The following GPC5 variants were observed in gnomAD, a reference collection of about 807,000 sequenced individuals.
The protein encoded by GPC5 is glypican-5.
GPC5 carries 47 observed loss-of-function variants against 53.9 expected under a neutral mutation model. That is an observed-to-expected ratio of 0.87 (90% CI 0.69 to 1.11). The LOEUF is 1.11. GPC5 is among the 50% of genes most tolerant of loss of function. GPC5 has a pLI of 0.00. For synonymous variants in GPC5, 286 were observed against 263.3 expected, an observed-to-expected ratio of 1.09 and a Z score of -0.84; for missense variants, 748 against 713.1, an observed-to-expected ratio of 1.05 and a Z score of -0.56.
rs1432039826 is a variant in GPC5, at chr13:92,010,541, A to G, written c.1401+102484A>G. On this transcript the variant is annotated intron_variant, in intron 6 of 7. Transcript: ENST00000377067. ...CTATATTGAAGCACTAAGCCCCAAC[A>G]TAATTAGACTTGGAGACACTATTTT... is the stretch of plus-strand genomic sequence containing the variant. Among the ~76,000 whole-genome samples, 5 of 152,226 alleles carry G rather than the reference A, an allele frequency of 3.3e-5. No individual in the cohort carries two copies. The East Asian group carries it at 5.8e-4, about 18-fold the overall frequency.
intron 6 of GPC5, among the ~76,000 whole-genome samples, chr13:92,141,511 C>T (rs1487360870): frequency 6.6e-6 from 1 of 152,154 alleles, no homozygotes; most frequent in African/African-American, 2.4e-5. Context: ...GATGACCTCT[C>T]ATTCTGAGAA....
intron 7 of GPC5, among the ~76,000 whole-genome samples, chr13:92,542,562 A>G (rs1245258544): frequency 2.0e-5 from 3 of 151,870 alleles, no homozygotes; most frequent in African/African-American, 7.3e-5. Context: ...TCGTTTGTGT[A>G]TTTGCTCTAC....
At chr13:91,993,759 G>A (rs1311564721) in intron 6 of GPC5, among the ~76,000 whole-genome samples, 1 of 151,356 alleles carries the variant, frequency 6.6e-6, no homozygotes, top group Non-Finnish European at 1.5e-5. Context: ...TATCTCATAT[G>A]TCTAGTGGTA....
At chr13:92,744,726 G>A (rs539440259) in intron 7 of GPC5, among the ~76,000 whole-genome samples, 35 of 152,218 alleles carry the variant, frequency 2.3e-4, no homozygotes, top group Non-Finnish European at 4.4e-4. Flanking sequence ...AATTATAGCA[G>A]TGGGTGATGG....
At chr13:91,434,925 A>G (rs937789820) in intron 1 of GPC5, among the ~76,000 whole-genome samples, 9 of 152,122 alleles carry the variant, frequency 5.9e-5, no homozygotes, top group Non-Finnish European at 7.4e-5. Flanking sequence ...TTGGATTCCT[A>G]GGTATTTTAT....
chr13:92,087,961 G>T (rs1339696581), intron 6 of GPC5, among the ~76,000 whole-genome samples: 1 of 151,396 alleles, frequency 6.6e-6, no homozygotes, highest in Non-Finnish European at 1.5e-5. Flanking sequence ...AAGAGATGGG[G>T]GTCTCGCTAC....
At chr13:92,335,067 T>A (rs1021714916) in intron 7 of GPC5, among the ~76,000 whole-genome samples, 1 of 152,046 alleles carries the variant, frequency 6.6e-6, no homozygotes, top group Admixed American at 6.6e-5. Flanking sequence ...GAGGACTCTG[T>A]GGGTTGGGGG....
At chr13:92,271,031 G>A (rs765666435) in intron 7 of GPC5, among the ~76,000 whole-genome samples, 2 of 152,186 alleles carry the variant, frequency 1.3e-5, no homozygotes, top group Non-Finnish European at 2.9e-5. Flanking sequence ...GCTCTATGAG[G>A]TCTACTGGGA....
chr13:92,573,943 G>A (rs1242593461), intron 7 of GPC5, among the ~76,000 whole-genome samples: 2 of 152,076 alleles, frequency 1.3e-5, no homozygotes, highest in South Asian at 2.1e-4. Context: ...GCAAACCGAC[G>A]AAGTTCTCCG....
intron 4 of GPC5, among the ~76,000 whole-genome samples, chr13:91,742,731 A>G (rs2036962709): frequency 6.6e-6 from 1 of 152,158 alleles, no homozygotes; most frequent in African/African-American, 2.4e-5. Flanking sequence ...GCTTTCTTAG[A>G]TGAGGATAGG....
intron 4 of GPC5, among the ~76,000 whole-genome samples, chr13:91,744,790 G>A (rs910057889): frequency 2.6e-5 from 4 of 152,116 alleles, no homozygotes; most frequent in African/African-American, 7.2e-5. Flanking sequence ...TATTGCCAAA[G>A]AGGGGAATAT....
intron 2 of GPC5, among the ~76,000 whole-genome samples, chr13:91,657,884 C>T (rs2034886852): frequency 6.6e-6 from 1 of 152,062 alleles, no homozygotes; most frequent in South Asian, 2.1e-4. Context: ...TAAAAAAATA[C>T]ATTTGTTTGG....
At chr13:92,514,809 G>T (rs963819373) in intron 7 of GPC5, among the ~76,000 whole-genome samples, 1 of 152,008 alleles carries the variant, frequency 6.6e-6, no homozygotes, top group Non-Finnish European at 1.5e-5. Context: ...AGACCCATTC[G>T]GCCTTCTCCA....
At chr13:92,682,312 C>A (rs1887135590) in intron 7 of GPC5, among the ~76,000 whole-genome samples, 1 of 152,092 alleles carries the variant, frequency 6.6e-6, no homozygotes, top group Non-Finnish European at 1.5e-5. Flanking sequence ...CCCGTTTTGC[C>A]TATTGCTACT....
At chr13:91,656,240 C>T (rs1487548941) in intron 2 of GPC5, among the ~76,000 whole-genome samples, 1 of 152,134 alleles carries the variant, frequency 6.6e-6, no homozygotes, top group Non-Finnish European at 1.5e-5. Context: ...TACCTAGTTG[C>T]ATGTGCTTTC....
chr13:92,453,604 G>C (rs1318496308), intron 7 of GPC5, among the ~76,000 whole-genome samples: 2 of 152,098 alleles, frequency 1.3e-5, no homozygotes, highest in African/African-American at 4.8e-5. Context: ...GCAATGTTTT[G>C]ACATTCCTAA....
chr13:92,450,346 C>A (rs1878010191), intron 7 of GPC5, among the ~76,000 whole-genome samples: 2 of 152,026 alleles, frequency 1.3e-5, no homozygotes. Context: ...AGGGATGGGA[C>A]CCAAGTTTAA....
At chr13:91,906,275 G>A (rs1425134489) in intron 5 of GPC5, among the ~76,000 whole-genome samples, 3 of 151,938 alleles carry the variant, frequency 2.0e-5, no homozygotes. Flanking sequence ...CCATACCACA[G>A]CTGTCCTCTT....
intron 7 of GPC5, among the ~76,000 whole-genome samples, chr13:92,592,034 G>A (rs981700136): frequency 1.2e-4 from 19 of 152,320 alleles, no homozygotes; most frequent in African/African-American, 4.6e-4. Context: ...TGTCAAGCAA[G>A]GACTGAAGAC....
Sources: gnomAD v4.1 joint callset for allele counts (sites outside exome capture counted in the v4.1 genomes callset) on GRCh38, gnomAD v4.1.1 for gene constraint, MANE v1.5 for transcripts, NCBI Gene and HGNC (gene_info 2026-07-23, HGNC 2026-07-21) for gene names.